GRM8: variants seen among roughly 807,000 people sequenced by gnomAD.
The protein encoded by GRM8 is glutamate metabotropic receptor 8.
Under a neutral mutation model 87.2 loss-of-function variants are expected in GRM8, and 47 were observed. That is an observed-to-expected ratio of 0.54 (90% CI 0.43 to 0.69). The LOEUF (loss-of-function observed/expected upper bound fraction) is 0.69, where lower values mean the gene tolerates loss of function less well. GRM8 is among the 30% of genes least tolerant of loss of function. GRM8 has a pLI of 0.00. For synonymous variants in GRM8, 396 were observed against 404.5 expected (o/e 0.98, Z 0.25); for missense variants, 1,019 against 1,139.2 (o/e 0.89, Z 1.52).
chr7:127,182,247 C>A (rs1039511666), intron 2 of GRM8, among the ~76,000 whole-genome samples: 3 of 152,024 alleles, frequency 2.0e-5, no homozygotes, highest in African/African-American at 7.2e-5. Context: ...TTAAAAAATG[C>A]TCAACATCAC....
chr7:127,119,214 C>A (rs187921963), intron 2 of GRM8, among the ~76,000 whole-genome samples: 6 of 152,200 alleles, frequency 3.9e-5, no homozygotes, highest in African/African-American at 1.2e-4. Context: ...TGGGGCCAGG[C>A]GTGGTGGCTC....
intron 8 of GRM8, among the ~76,000 whole-genome samples, chr7:126,573,473 T>C (rs1383012781): frequency 6.6e-6 from 1 of 152,102 alleles, no homozygotes; most frequent in African/African-American, 2.4e-5. Context: ...CAAAATTTAC[T>C]AGAAGAAAAA....
chr7:126,739,129 AAAG>A (rs892396144), intron 7 of GRM8, among the ~76,000 whole-genome samples: 2 of 151,948 alleles, frequency 1.3e-5, no homozygotes, highest in African/African-American at 4.8e-5. Context: ...TAAAGAAGAG[AAAG>A]AAGAATGCAG....
chr7:127,212,910 T>C (rs1475097461), intron 2 of GRM8, among the ~76,000 whole-genome samples: 5 of 152,212 alleles, frequency 3.3e-5, no homozygotes, highest in Non-Finnish European at 7.3e-5. Context: ...CAAATTTGCA[T>C]GAGGCCAATT....
intron 9 of GRM8, among the ~76,000 whole-genome samples, chr7:126,528,078 C>A (rs1473006467): frequency 6.6e-6 from 1 of 152,086 alleles, no homozygotes; most frequent in South Asian, 2.1e-4. Flanking sequence ...GTGGCGTGTG[C>A]CTGTAGTCCC....
chr7:126,541,370 T>C (rs1816518026), intron 8 of GRM8, among the ~76,000 whole-genome samples: 1 of 152,066 alleles, frequency 6.6e-6, no homozygotes. Flanking sequence ...GTATTAAGAA[T>C]AGCAGGAAGG....
chr7:127,168,275 T>C (rs1045641208), intron 2 of GRM8, among the ~76,000 whole-genome samples: 2 of 152,184 alleles, frequency 1.3e-5, no homozygotes, highest in African/African-American at 4.8e-5. Context: ...TCACTGGTCA[T>C]TAGAGAAATG....
intron 10 of GRM8, among the ~76,000 whole-genome samples, chr7:126,442,649 G>A (rs1184841689): frequency 6.6e-6 from 1 of 151,980 alleles, no homozygotes; most frequent in Non-Finnish European, 1.5e-5. Flanking sequence ...GTTTTCAGAA[G>A]ATGTCCATTC....
At chr7:127,050,924 G>A (rs957239189) in intron 3 of GRM8, among the ~76,000 whole-genome samples, 2 of 152,048 alleles carry the variant, frequency 1.3e-5, no homozygotes, top group African/African-American at 2.4e-5. Flanking sequence ...CAATTATAGG[G>A]AAGTTATTTC....
intron 2 of GRM8, among the ~76,000 whole-genome samples, chr7:127,172,867 C>T (rs967550683): frequency 5.9e-5 from 9 of 152,154 alleles, no homozygotes; most frequent in Non-Finnish European, 1.3e-4. Flanking sequence ...TTTGTACCAA[C>T]ATGCTTTCTG....
intron 3 of GRM8, among the ~76,000 whole-genome samples, chr7:127,028,146 T>C (rs1162035462): frequency 1.3e-5 from 2 of 152,242 alleles, no homozygotes; most frequent in African/African-American, 2.4e-5. Flanking sequence ...GATTTTTGAA[T>C]GTTGAACCAG....
chr7:126,572,754 A>G (rs1794790354), intron 8 of GRM8, among the ~76,000 whole-genome samples: 1 of 152,206 alleles, frequency 6.6e-6, no homozygotes, highest in Non-Finnish European at 1.5e-5. Context: ...CCATGAAATG[A>G]TATTCCATCC....
intron 6 of GRM8, among the ~76,000 whole-genome samples, chr7:126,890,781 G>A (rs962755635): frequency 2.6e-5 from 4 of 151,998 alleles, no homozygotes; most frequent in African/African-American, 9.7e-5. Flanking sequence ...TCCACTTATG[G>A]ACAGTGAAAA....
intron 1 of GRM8, among the ~76,000 whole-genome samples, chr7:127,244,911 A>G (rs1798504804): frequency 6.6e-6 from 1 of 152,174 alleles, no homozygotes; most frequent in Admixed American, 6.5e-5. Flanking sequence ...CGGCTGAGAT[A>G]GTTCTGTGCA....
intron 6 of GRM8, among the ~76,000 whole-genome samples, chr7:126,791,775 C>T (rs2151676357): frequency 6.6e-6 from 1 of 152,230 alleles, no homozygotes; most frequent in Middle Eastern, 3.4e-3. Flanking sequence ...AAAAATGCAA[C>T]CCTAAAACAG....
intron 2 of GRM8, among the ~76,000 whole-genome samples, chr7:127,194,502 G>T (rs1173709567): frequency 2.0e-5 from 3 of 152,038 alleles, no homozygotes; most frequent in African/African-American, 7.2e-5. Context: ...AGATTAATTT[G>T]CTCCTTCTGC....
intron 3 of GRM8, among the ~76,000 whole-genome samples, chr7:127,046,463 TAGC>T (rs1320379574): frequency 6.6e-6 from 1 of 152,244 alleles, no homozygotes; most frequent in Non-Finnish European, 1.5e-5. Context: ...AGTTACTTAC[TAGC>T]AAATGTCACT....
At chr7:126,637,169 G>T (rs1482116647) in intron 7 of GRM8, among the ~76,000 whole-genome samples, 1 of 152,050 alleles carries the variant, frequency 6.6e-6, no homozygotes, top group Non-Finnish European at 1.5e-5. Flanking sequence ...CATTATCCAG[G>T]AGAGAATAAT....
chr7:127,165,141 GATATATATAT>G (rs3993578), intron 2 of GRM8, among the ~76,000 whole-genome samples: 1,512 of 66,896 alleles, frequency 0.023, 23 homozygotes, highest in Non-Finnish European at 0.031. Flanking sequence ...CATGTAAACA[GATATATATAT>G]ATATATATAT....
Sources: gnomAD v4.1 joint callset for allele counts (sites outside exome capture counted in the v4.1 genomes callset) on GRCh38, gnomAD v4.1.1 for gene constraint, MANE v1.5 for transcripts, NCBI Gene and HGNC (gene_info 2026-07-23, HGNC 2026-07-21) for gene names.